The following SEMA3D variants were observed in gnomAD, a reference collection of about 807,000 sequenced individuals.
The protein encoded by SEMA3D is semaphorin-3D.
A neutral mutation model predicts 100.1 loss-of-function variants in SEMA3D; 84 were observed. The ratio of observed to expected loss-of-function variants is 0.84; its 90% CI spans 0.70 to 1.01. The LOEUF (loss-of-function observed/expected upper bound fraction) is 1.01. SEMA3D is among the 50% of genes least tolerant of loss of function. SEMA3D has a pLI of 0.00. For synonymous variants in SEMA3D, 312 were observed against 320.7 expected (o/e 0.97, Z 0.29); for missense variants, 875 against 934.1 (o/e 0.94, Z 0.82).
At chr7:85,185,312 T>C (rs1441723944) in intron 1 of SEMA3D, among the ~76,000 whole-genome samples, 1 of 151,946 alleles carries the variant, frequency 6.6e-6, no homozygotes, top group Non-Finnish European at 1.5e-5. Flanking sequence ...TCCCTCTCTG[T>C]TAGGAGATCC....
At chr7:85,162,086 T>C (rs978205584) in intron 1 of SEMA3D, among the ~76,000 whole-genome samples, 2 of 152,130 alleles carry the variant, frequency 1.3e-5, no homozygotes, top group Non-Finnish European at 2.9e-5. Context: ...AACGTGTTTT[T>C]TTTTTTAATC....
intron 2 of SEMA3D, chr7:85,141,999 C>T: frequency 1.0e-6 from 1 of 976,308 alleles, no homozygotes; most frequent in Non-Finnish European, 1.2e-6. Flanking sequence ...ATCTTTAATG[C>T]ATCAAGGTAC....
chr7:85,250,014 C>A, the SEMA3D span, among the ~76,000 whole-genome samples: 4 of 152,064 alleles, frequency 2.6e-5, no homozygotes, highest in Non-Finnish European at 5.9e-5. Context: ...GGTGCACGCA[C>A]CGTGCACGAG....
At chr7:85,197,338 T>C in the SEMA3D span, among the ~76,000 whole-genome samples, 3 of 152,298 alleles carry the variant, frequency 2.0e-5, no homozygotes, top group South Asian at 6.2e-4. Flanking sequence ...CAAAAGAACC[T>C]TGGTCTCCAC....
chr7:85,009,937 A>G (rs996446897), intron 17 of SEMA3D, among the ~76,000 whole-genome samples: 1 of 151,850 alleles, frequency 6.6e-6, no homozygotes, highest in Admixed American at 6.6e-5. Context: ...TAGACAAAGT[A>G]ATCAAGTAAA....
the SEMA3D span, among the ~76,000 whole-genome samples, chr7:85,196,390 G>T: frequency 6.6e-6 from 1 of 152,062 alleles, no homozygotes; most frequent in Non-Finnish European, 1.5e-5. Context: ...ATCTTCATGA[G>T]CTTAGAGTAG....
intron 3 of SEMA3D, among the ~76,000 whole-genome samples, chr7:85,105,093 G>A (rs1267424399): frequency 6.6e-6 from 1 of 151,994 alleles, no homozygotes; most frequent in East Asian, 1.9e-4. Context: ...TGTTTCTTTA[G>A]TATAGTCAGA....
intron 15 of SEMA3D, among the ~76,000 whole-genome samples, chr7:85,017,660 AG>A (rs1364745285): frequency 6.6e-6 from 1 of 151,896 alleles, no homozygotes; most frequent in Non-Finnish European, 1.5e-5. Context: ...ATCATATCAG[AG>A]AGTTATGAAA....
chr7:85,242,699 A>G, the SEMA3D span, among the ~76,000 whole-genome samples: 1 of 152,178 alleles, frequency 6.6e-6, no homozygotes, highest in Non-Finnish European at 1.5e-5. Context: ...TTTTTGCCTC[A>G]AATATTTTGA....
the SEMA3D span, among the ~76,000 whole-genome samples, chr7:85,203,813 C>A: frequency 0.66 from 99,671 of 151,180 alleles, 33,379 homozygotes; most frequent in East Asian, 0.92. Context: ...AGGGGGAAAA[C>A]AAAAACAAAA....
At chr7:85,174,625 G>A (rs1391298807) in intron 1 of SEMA3D, among the ~76,000 whole-genome samples, 2 of 152,100 alleles carry the variant, frequency 1.3e-5, no homozygotes, top group Non-Finnish European at 2.9e-5. Context: ...ACAATCTTGT[G>A]GCACTAGAAG....
chr7:85,094,427 A>G lies in SEMA3D; in HGVS notation c.312+3378T>C, dbSNP rs535173015. On this transcript the variant is annotated intron_variant, in intron 4 of 18. Transcript: ENST00000284136. ...ATTATCACTCACACTAGAAAAATAT[A>G]TTGAAATATTTGCCACATTATCAGC... Among the ~76,000 whole-genome samples the G allele has an allele frequency of 4.6e-5, 7 of 152,142 alleles. No homozygotes were observed. In the East Asian group the frequency reaches 1.4e-3, roughly 30 times the overall value.
intron 2 of SEMA3D, chr7:85,144,817 C>A (rs2116471668): frequency 3.3e-6 from 1 of 299,528 alleles, no homozygotes; most frequent in South Asian, 1.3e-4. Context: ...TTAATCCCAG[C>A]CCAATGATTA....
At chr7:85,173,908 G>A (rs1475461396) in intron 1 of SEMA3D, among the ~76,000 whole-genome samples, 1 of 152,094 alleles carries the variant, frequency 6.6e-6, no homozygotes, top group Non-Finnish European at 1.5e-5. Flanking sequence ...ATATTTTAAA[G>A]CCCCCATTGA....
intron 3 of SEMA3D, among the ~76,000 whole-genome samples, chr7:85,111,051 A>T (rs1789079144): frequency 6.6e-6 from 1 of 152,026 alleles, no homozygotes; most frequent in African/African-American, 2.4e-5. Flanking sequence ...TCATTTAACA[A>T]CTTCTATACT....
chr7:85,200,837 AGCCTAGGGACTTGGG>A, the SEMA3D span, among the ~76,000 whole-genome samples: 6 of 152,184 alleles, frequency 3.9e-5, no homozygotes, highest in Non-Finnish European at 5.9e-5. Context: ...TGCTGTGTGC[AGCCTAGGGACTTGGG>A]GCCCTGCATC....
chr7:85,140,510 C>T, intron 2 of SEMA3D: 1 of 984,058 alleles, frequency 1.0e-6, no homozygotes, highest in Non-Finnish European at 1.2e-6. Context: ...AATTGAGACA[C>T]TGTTGATCAT....
chr7:85,142,549 T>G, intron 2 of SEMA3D: 1 of 983,972 alleles, frequency 1.0e-6, no homozygotes, highest in South Asian at 4.7e-5. Flanking sequence ...CCAATTTGCA[T>G]TGGATATGGA....
chr7:85,000,274 TGCAACATTTACAATTGTATA>T (rs1444602883), intron 18 of SEMA3D, among the ~76,000 whole-genome samples: 6 of 152,188 alleles, frequency 3.9e-5, no homozygotes, highest in Non-Finnish European at 8.8e-5. Flanking sequence ...GGAGCAAGAA[TGCAACATTTACAATTGTATA>T]GAACACATTG....
Sources: allele counts gnomAD v4.1 joint callset (sites outside exome capture counted in the v4.1 genomes callset), GRCh38; gene constraint gnomAD v4.1.1; transcripts MANE v1.5; gene names NCBI Gene and HGNC (gene_info 2026-07-23, HGNC 2026-07-21).